Variants in ESR2 observed in about 807,000 individuals in gnomAD.
The protein encoded by ESR2 is estrogen receptor beta.
A neutral mutation model predicts 49.6 loss-of-function variants in ESR2; 36 were observed. The observed-to-expected ratio is 0.73, with a 90% CI of 0.56 to 0.96. The LOEUF is 0.96. Ranked by LOEUF, ESR2 falls within the 40% of genes least tolerant of loss-of-function variation. The pLI is 0.00. For missense variants in ESR2, 714 were observed against 693.0 expected (o/e 1.03, Z -0.34); for synonymous variants, 320 against 266.1 (o/e 1.20, Z -1.97).
intron 4 of ESR2, among the ~76,000 whole-genome samples, chr14:64,262,192 G>T (rs1409240064): frequency 6.7e-6 from 1 of 150,104 alleles, no homozygotes; most frequent in African/African-American, 2.5e-5. Flanking sequence ...ACAGCTCACT[G>T]CAGCCTCAAC....
At chr14:64,257,116 T>A (rs907369503) in intron 6 of ESR2, 110 bp downstream of exon 6, 1 of 993,302 alleles carries the variant, frequency 1.0e-6, no homozygotes, top group Admixed American at 1.9e-5. Flanking sequence ...GCTATCATCC[T>A]CTGCCCTGCA....
At chr14:64,263,042 A>C (rs1256045) in intron 4 of ESR2, among the ~76,000 whole-genome samples, 99,598 of 152,116 alleles carry the variant, frequency 0.65, 34,208 homozygotes, top group African/African-American at 0.88. Context: ...TTTTAAATCA[A>C]AAAATAAGAT....
intron 3 of ESR2, among the ~76,000 whole-genome samples, chr14:64,270,206 A>G (rs10148269): frequency 0.65 from 99,580 of 152,112 alleles, 34,197 homozygotes; most frequent in African/African-American, 0.88. Context: ...GAAAAAAGTC[A>G]CAAAATATAT....
chr14:64,242,614 A>C (rs1005134134), intron 7 of ESR2, among the ~76,000 whole-genome samples: 1 of 152,094 alleles, frequency 6.6e-6, no homozygotes, highest in Non-Finnish European at 1.5e-5. Flanking sequence ...TTACCAAAAA[A>C]AAAAAAATTT....
chr14:64,323,049 T>C (rs2077343961), intron 1 of ESR2, among the ~76,000 whole-genome samples: 1 of 152,254 alleles, frequency 6.6e-6, no homozygotes, highest in Non-Finnish European at 1.5e-5. Context: ...ATCTTAGTTT[T>C]GTGAAGACAC....
At chr14:64,234,730 G>T (rs1457580694) in intron 8 of ESR2, 5 of 868,748 alleles carry the variant, frequency 5.8e-6, no homozygotes, top group Non-Finnish European at 8.4e-6. Flanking sequence ...CCCAGCAATT[G>T]AAAAACCCAT....
upstream of ESR2, among the ~76,000 whole-genome samples, chr14:64,298,747 G>C (rs1183227488): frequency 6.6e-6 from 1 of 152,106 alleles, no homozygotes; most frequent in African/African-American, 2.4e-5. Flanking sequence ...TTTCAGTCTT[G>C]ATCTTTGCTA....
chr14:64,268,296 T>A (rs574112671), intron 4 of ESR2, among the ~76,000 whole-genome samples: 44 of 152,378 alleles, frequency 2.9e-4, no homozygotes, highest in African/African-American at 1.0e-3. Flanking sequence ...TGTTTCTGAC[T>A]CCTACATATT....
At chr14:64,329,741 G>A (rs1160031867) in intron 1 of ESR2, 1 of 152,190 alleles carries the variant, frequency 6.6e-6, no homozygotes, top group African/African-American at 2.4e-5. Context: ...AATTGCTAGG[G>A]AATGATAACA....
chr14:64,268,440 C>G (rs1021883717), intron 4 of ESR2, among the ~76,000 whole-genome samples: 1 of 152,184 alleles, frequency 6.6e-6, no homozygotes, highest in African/African-American at 2.4e-5. Flanking sequence ...ATCCTTAGAA[C>G]TGGACTTTTC....
intron 3 of ESR2, among the ~76,000 whole-genome samples, chr14:64,278,708 A>G (rs1159093602): frequency 6.6e-6 from 1 of 152,180 alleles, no homozygotes; most frequent in Non-Finnish European, 1.5e-5. Context: ...GGCTGGTACG[A>G]GAGAAGGAGT....
chr14:64,246,127 G>A (rs929989505), intron 7 of ESR2, among the ~76,000 whole-genome samples: 6 of 152,204 alleles, frequency 3.9e-5, no homozygotes, highest in Non-Finnish European at 7.3e-5. Context: ...CAGATCACTC[G>A]AAGCCAGGAG....
At chr14:64,267,542 G>C (rs2076356645) in intron 4 of ESR2, among the ~76,000 whole-genome samples, 1 of 152,040 alleles carries the variant, frequency 6.6e-6, no homozygotes, top group Non-Finnish European at 1.5e-5. Flanking sequence ...ACAGAGAAAA[G>C]AAAAGGGCAG....
At chr14:64,316,753 G>A (rs2077260923) in intron 1 of ESR2, among the ~76,000 whole-genome samples, 1 of 152,058 alleles carries the variant, frequency 6.6e-6, no homozygotes, top group Non-Finnish European at 1.5e-5. Context: ...AAGTTACAGT[G>A]AGCCCAGATC....
chr14:64,227,264 G>A (rs1301551875), downstream of ESR2: 9 of 478,344 alleles, frequency 1.9e-5, no homozygotes, highest in East Asian at 3.1e-4. Flanking sequence ...TTTCTACATT[G>A]GTGCCCCTCA....
intron 4 of ESR2, among the ~76,000 whole-genome samples, chr14:64,261,834 CT>C: frequency 6.6e-6 from 1 of 151,858 alleles, no homozygotes; most frequent in African/African-American, 2.4e-5. Context: ...TCACTGCAGC[CT>C]TCATCTCCTG....
rs141516067 is a variant in ESR2 at position 64,282,651 on chromosome 14, G to A, written c.335C>T (p.Ser112Leu). Residue 112 changes from serine (S) to leucine (L), a missense_variant, in exon 2 of 9, where the codon TCG becomes TTG. Coordinates refer to ENST00000341099, the MANE Select transcript of ESR2 (RefSeq NM_001437.3). ...PQKSPWCEAR[S>L]LEHTLPVNRE... ...GTTTACAGGTAAGGTGTGTTCTAGC[G>A]ATCTTGCTTCACACCAGGGACTCTT... The A allele has an allele frequency of 3.9e-4, 633 of 1,607,912 alleles. 13 individuals are homozygous for A. The South Asian group carries it at 6.3e-3, about 16-fold the overall frequency.
chr14:64,318,491 C>T (rs2077284389), intron 1 of ESR2, among the ~76,000 whole-genome samples: 3 of 123,686 alleles, frequency 2.4e-5, no homozygotes. Context: ...GAGCCAAGAT[C>T]GTGCCACCAC....
At chr14:64,318,428 T>C (rs910133083) in intron 1 of ESR2, among the ~76,000 whole-genome samples, 1 of 148,378 alleles carries the variant, frequency 6.7e-6, no homozygotes, top group Admixed American at 6.9e-5. Flanking sequence ...TCCCAGCTAC[T>C]TGGGAGGCTT....
Sources: gnomAD v4.1 joint callset for allele counts (sites outside exome capture counted in the v4.1 genomes callset) on GRCh38, gnomAD v4.1.1 for gene constraint, MANE v1.5 for transcripts, NCBI Gene and HGNC (gene_info 2026-07-23, HGNC 2026-07-21) for gene names.